The following PACRG variants were observed in gnomAD, a reference collection of about 807,000 sequenced individuals.
PACRG encodes parkin coregulated gene protein.
In PACRG, 29 loss-of-function variants were observed where a neutral mutation model predicts 29.7. The observed-to-expected ratio is 0.98, with a 90% CI of 0.73 to 1.33. PACRG has a LOEUF of 1.33. PACRG is among the 40% of genes most tolerant of loss of function. The pLI, the probability that PACRG is intolerant of heterozygous loss-of-function variation, is 0.00. For missense variants in PACRG, 279 were observed against 316.2 expected (o/e 0.88, Z 0.89); for synonymous variants, 116 against 118.7 (o/e 0.98, Z 0.15).
intron 2 of PACRG, among the ~76,000 whole-genome samples, chr6:162,839,423 CACT>C (rs1466148424): frequency 7.1e-6 from 1 of 140,370 alleles, no homozygotes; most frequent in East Asian, 2.1e-4. Flanking sequence ...GTCCTTTGCC[CACT>C]TTTTGATGGG....
At chr6:163,132,911 G>T (rs1816794149) in intron 4 of PACRG, among the ~76,000 whole-genome samples, 1 of 152,160 alleles carries the variant, frequency 6.6e-6, no homozygotes, top group Non-Finnish European at 1.5e-5. Context: ...AAGAAGAAAA[G>T]TCATGGGAAT....
chr6:163,156,042 C>T (rs1428841460), intron 4 of PACRG, among the ~76,000 whole-genome samples: 1 of 152,206 alleles, frequency 6.6e-6, no homozygotes, highest in Non-Finnish European at 1.5e-5. Flanking sequence ...CCCTTCGCAG[C>T]GCTCTCCTGA....
At chr6:163,301,912 G>A (rs1785017843) in intron 4 of PACRG, among the ~76,000 whole-genome samples, 1 of 152,182 alleles carries the variant, frequency 6.6e-6, no homozygotes, top group African/African-American at 2.4e-5. Flanking sequence ...ATGGCCATTT[G>A]TGTTCAACAA....
intron 2 of PACRG, among the ~76,000 whole-genome samples, chr6:162,875,361 A>G (rs1434718483): frequency 6.6e-6 from 1 of 152,098 alleles, no homozygotes; most frequent in Admixed American, 6.6e-5. Context: ...ACACACATTC[A>G]CACACATTCA....
At chr6:163,104,785 C>A (rs1815289518) in intron 4 of PACRG, among the ~76,000 whole-genome samples, 1 of 152,140 alleles carries the variant, frequency 6.6e-6, no homozygotes, top group African/African-American at 2.4e-5. Context: ...TCACATAGTT[C>A]TCCCAACAAT....
intron 2 of PACRG, among the ~76,000 whole-genome samples, chr6:162,829,746 C>A (rs949902): frequency 0.091 from 13,880 of 152,144 alleles, 872 homozygotes; most frequent in Admixed American, 0.21. Flanking sequence ...ATAGGAAGGG[C>A]ACCCCTCACA....
chr6:162,807,601 T>C (rs1786464414), intron 1 of PACRG, among the ~76,000 whole-genome samples: 1 of 152,154 alleles, frequency 6.6e-6, no homozygotes, highest in Non-Finnish European at 1.5e-5. Flanking sequence ...TTTGTTGCCT[T>C]ATATGAGAGT....
At chr6:162,946,830 A>T (rs781773433) in intron 2 of PACRG, among the ~76,000 whole-genome samples, 1 of 152,174 alleles carries the variant, frequency 6.6e-6, no homozygotes. Context: ...ACATATGCAA[A>T]TCAATAAACA....
chr6:162,815,564 G>A (rs1435764743), intron 2 of PACRG, among the ~76,000 whole-genome samples: 1 of 151,202 alleles, frequency 6.6e-6, no homozygotes, highest in Admixed American at 6.6e-5. Context: ...AAATTTTGGG[G>A]GGGTGGGAAA....
At chr6:162,732,206 G>T (rs6455848) in intron 1 of PACRG, among the ~76,000 whole-genome samples, 37,294 of 151,992 alleles carry the variant, frequency 0.25, 5,390 homozygotes, top group African/African-American at 0.39. Context: ...CCAAGCCCAC[G>T]TACCTGTCTC....
At chr6:163,079,474 G>A (rs894647058) in intron 3 of PACRG, among the ~76,000 whole-genome samples, 2 of 151,696 alleles carry the variant, frequency 1.3e-5, no homozygotes, top group Non-Finnish European at 2.9e-5. Flanking sequence ...TCCCTATAAG[G>A]AAAACCATAG....
chr6:163,047,377 G>A (rs140277859), intron 2 of PACRG, among the ~76,000 whole-genome samples: 2 of 152,138 alleles, frequency 1.3e-5, no homozygotes, highest in African/African-American at 4.8e-5. Flanking sequence ...TCTCCCTATG[G>A]TTAAAATAAA....
At chr6:162,996,962 G>A (rs1804124287) in intron 2 of PACRG, among the ~76,000 whole-genome samples, 1 of 152,112 alleles carries the variant, frequency 6.6e-6, no homozygotes, top group Non-Finnish European at 1.5e-5. Flanking sequence ...GAGACATTAT[G>A]TTGTCTCTCT....
intron 4 of PACRG, among the ~76,000 whole-genome samples, chr6:163,139,254 G>A (rs1817059733): frequency 6.6e-6 from 1 of 152,226 alleles, no homozygotes; most frequent in Non-Finnish European, 1.5e-5. Flanking sequence ...GCTCTTCTGT[G>A]CACTGTGTCC....
At chr6:163,296,127 G>T (rs1182330921) in intron 4 of PACRG, among the ~76,000 whole-genome samples, 1 of 152,178 alleles carries the variant, frequency 6.6e-6, no homozygotes, top group East Asian at 1.9e-4. Context: ...GGCCCCCAAA[G>T]TCTATTTCTT....
At chr6:162,737,429 G>T (rs2128254869) in intron 1 of PACRG, among the ~76,000 whole-genome samples, 1 of 152,256 alleles carries the variant, frequency 6.6e-6, no homozygotes, top group Admixed American at 6.5e-5. Flanking sequence ...TGATGGGGAA[G>T]ATCTCAGAAA....
chr6:162,827,646 G>C (rs892111265), intron 2 of PACRG, among the ~76,000 whole-genome samples: 3 of 152,080 alleles, frequency 2.0e-5, no homozygotes, highest in Admixed American at 2.0e-4. Context: ...TAATCACTTT[G>C]TTCTTCTCAT....
intron 2 of PACRG, among the ~76,000 whole-genome samples, chr6:163,023,582 G>A (rs887841473): frequency 3.3e-5 from 5 of 152,116 alleles, no homozygotes; most frequent in Admixed American, 2.6e-4. Flanking sequence ...TTTCTTTTGG[G>A]TATATACACA....
chr6:163,122,506 T>C (rs1256522052), intron 4 of PACRG, among the ~76,000 whole-genome samples: 4 of 152,124 alleles, frequency 2.6e-5, no homozygotes, highest in Admixed American at 6.5e-5. Flanking sequence ...ACCCTGCTGT[T>C]CCCACAAGAG....
Sources: gnomAD v4.1 joint callset for allele counts (sites outside exome capture counted in the v4.1 genomes callset) on GRCh38, gnomAD v4.1.1 for gene constraint, MANE v1.5 for transcripts, NCBI Gene and HGNC (gene_info 2026-07-23, HGNC 2026-07-21) for gene names.